KPNA3: variants seen among roughly 807,000 people sequenced by gnomAD.
The protein encoded by KPNA3 is karyopherin subunit alpha 3, also known as importin subunit alpha-4.
KPNA3 carries 13 observed loss-of-function variants against 73.8 expected under a neutral mutation model. That is an observed-to-expected ratio of 0.18 (90% confidence interval 0.11 to 0.28). The LOEUF is 0.28. KPNA3 is among the 10% of genes least tolerant of loss of function. The pLI, the probability that KPNA3 is intolerant of heterozygous loss-of-function variation, is 1.00. For missense variants in KPNA3, 360 were observed against 618.1 expected (o/e 0.58, Z 4.43); for synonymous variants, 186 against 206.9 (o/e 0.90, Z 0.87).
chr13:49,743,781 A>G (rs1271991047), intron 2 of KPNA3, among the ~76,000 whole-genome samples: 1 of 152,126 alleles, frequency 6.6e-6, no homozygotes, highest in African/African-American at 2.4e-5. Context: ...ATTAAACAAG[A>G]GGAGGCTTCT....
intron 1 of KPNA3, among the ~76,000 whole-genome samples, chr13:49,788,883 T>C (rs1024818422): frequency 3.3e-5 from 5 of 152,018 alleles, no homozygotes; most frequent in Admixed American, 6.6e-5. Context: ...CTTCCTCCAT[T>C]TATAAACCTC....
intron 6 of KPNA3, among the ~76,000 whole-genome samples, chr13:49,726,167 C>G (rs1479545005): frequency 3.3e-5 from 5 of 152,218 alleles, no homozygotes; most frequent in Non-Finnish European, 5.9e-5. Flanking sequence ...AGGCCCTCAT[C>G]ATCTCACTTT....
In KPNA3 at chr13:49,709,590, T is replaced by A. The variant is rs753204332; in HGVS notation, c.1014A>T (p.Pro338=). Residue 338 remains proline (P), a synonymous_variant, in exon 12 of 17, where the codon CCA becomes CCT. Transcript: ENST00000261667. ...GCCTTACCTTATTTATCTTCTCTTT[T>A]GGGTGTGATAAGAGATTTGGGAAGT... ...LSHFPNLLSH[P]KEKINKEAVW... is the part of the protein sequence containing the mutation. The A allele has an allele frequency of 3.7e-6, 6 of 1,613,380 alleles. No individual in the cohort carries two copies. Among genetic ancestry groups the A allele is most frequent in the Non-Finnish European group, 5.1e-6 (6 of 1,179,514 alleles).
chr13:49,782,635 T>A (rs560187339), intron 1 of KPNA3, among the ~76,000 whole-genome samples: 80 of 152,148 alleles, frequency 5.3e-4, no homozygotes, highest in African/African-American at 1.8e-3. Context: ...TCCCAGCACT[T>A]TGGGAGGCTG....
intron 1 of KPNA3, among the ~76,000 whole-genome samples, chr13:49,761,034 A>G (rs1954754492): frequency 6.6e-6 from 1 of 152,202 alleles, no homozygotes; most frequent in Non-Finnish European, 1.5e-5. Context: ...AATAACATAC[A>G]TATTCTTAAT....
intron 2 of KPNA3, among the ~76,000 whole-genome samples, chr13:49,742,898 T>C (rs1161513905): frequency 5.9e-5 from 9 of 152,190 alleles, no homozygotes; most frequent in African/African-American, 1.9e-4. Context: ...CTTCAATACA[T>C]GACTTAAATA....
intron 1 of KPNA3, among the ~76,000 whole-genome samples, chr13:49,783,096 G>A (rs1011643498): frequency 6.6e-6 from 1 of 152,042 alleles, no homozygotes; most frequent in Non-Finnish European, 1.5e-5. Flanking sequence ...TTAACAACCT[G>A]AAGGCATCAC....
rs1342759463 is a variant in KPNA3, at chr13:49,792,418, G to C, written c.69+20C>G. The C allele has an allele frequency of 5.8e-6, 9 of 1,550,462 alleles. No individual in the cohort carries two copies. The highest frequency in any genetic ancestry group is 7.8e-6 in the Non-Finnish European group (9 of 1,149,852). On this transcript the variant is annotated intron_variant, in intron 1 of 16. Coordinates refer to ENST00000261667, the MANE Select transcript of KPNA3 (RefSeq NM_002267.4). ...GGGCCGGCGCGGCCAGGCGGGCCCA[G>C]ACCGCGGAAGCACACTCACTTCCAC...
At chr13:49,753,370 CCA>C (rs1433176780) in intron 1 of KPNA3, among the ~76,000 whole-genome samples, 1 of 152,154 alleles carries the variant, frequency 6.6e-6, no homozygotes, top group Non-Finnish European at 1.5e-5. Context: ...GACTTTATAT[CCA>C]GTCAGAACCA....
chr13:49,759,978 G>A (rs373963138), intron 1 of KPNA3, among the ~76,000 whole-genome samples: 83 of 152,274 alleles, frequency 5.5e-4, no homozygotes, highest in African/African-American at 1.9e-3. Flanking sequence ...CAGACACTAC[G>A]TGCCTTTCTG....
intron 1 of KPNA3, among the ~76,000 whole-genome samples, chr13:49,789,361 C>A (rs1955013011): frequency 6.6e-6 from 1 of 151,794 alleles, no homozygotes; most frequent in Non-Finnish European, 1.5e-5. Flanking sequence ...TTTTCCTCTC[C>A]AAAGATCTCT....
At chr13:49,782,421 T>C (rs958943747) in intron 1 of KPNA3, among the ~76,000 whole-genome samples, 5 of 152,196 alleles carry the variant, frequency 3.3e-5, no homozygotes, top group African/African-American at 4.8e-5. Flanking sequence ...TATACTCTTA[T>C]AGTACTTTAC....
intron 2 of KPNA3, among the ~76,000 whole-genome samples, chr13:49,746,280 TC>T (rs1275513458): frequency 6.6e-5 from 10 of 152,142 alleles, no homozygotes; most frequent in African/African-American, 2.2e-4. Flanking sequence ...AGACCTAGTC[TC>T]TACAAAAAAT....
intron 2 of KPNA3, among the ~76,000 whole-genome samples, chr13:49,734,932 T>TAG (rs1395572299): frequency 2.0e-4 from 18 of 89,374 alleles, no homozygotes; most frequent in African/African-American, 5.6e-4. Flanking sequence ...CATATATATA[T>TAG]ATATATAGAG....
chr13:49,723,658 T>C (rs539982808), intron 7 of KPNA3, among the ~76,000 whole-genome samples: 1 of 150,944 alleles, frequency 6.6e-6, no homozygotes, highest in East Asian at 1.9e-4. Context: ...GATCACGAGG[T>C]CAAGAGGTTG....
chr13:49,760,061 C>T (rs1954745908), intron 1 of KPNA3, among the ~76,000 whole-genome samples: 1 of 152,124 alleles, frequency 6.6e-6, no homozygotes, highest in African/African-American at 2.4e-5. Flanking sequence ...TCTGATAAAG[C>T]CTCCAGCTTC....
chr13:49,769,797 G>A (rs538193917), intron 1 of KPNA3, among the ~76,000 whole-genome samples: 1 of 152,278 alleles, frequency 6.6e-6, no homozygotes, highest in East Asian at 1.9e-4. Flanking sequence ...ATTGCTAGGT[G>A]ATATGGGAAC....
chr13:49,768,573 T>A (rs1366884214), intron 1 of KPNA3, among the ~76,000 whole-genome samples: 4 of 22,160 alleles, frequency 1.8e-4, no homozygotes, highest in Non-Finnish European at 3.5e-4. Context: ...ATCAATTTTT[T>A]TTTTTTTTTT....
intron 1 of KPNA3, among the ~76,000 whole-genome samples, chr13:49,750,011 A>G (rs1297781797): frequency 6.6e-6 from 1 of 152,186 alleles, no homozygotes; most frequent in Non-Finnish European, 1.5e-5. Flanking sequence ...TTACTGCTTC[A>G]TGACCACTCC....
Sources: gnomAD v4.1 joint callset for allele counts (sites outside exome capture counted in the v4.1 genomes callset) on GRCh38, gnomAD v4.1.1 for gene constraint, MANE v1.5 for transcripts, NCBI Gene and HGNC (gene_info 2026-07-23, HGNC 2026-07-21) for gene names.